Variants in KDM1A observed in about 807,000 individuals in gnomAD.
The protein encoded by KDM1A is lysine-specific histone demethylase 1A.
A neutral mutation model predicts 109.4 loss-of-function variants in KDM1A; 49 were observed. That is an observed-to-expected ratio of 0.45 (90% confidence interval 0.36 to 0.57). The LOEUF (loss-of-function observed/expected upper bound fraction) is 0.57. Ranked by LOEUF, KDM1A falls within the 20% of genes least tolerant of loss-of-function variation. KDM1A has a pLI of 0.00. For missense variants in KDM1A, 668 were observed against 1,116.6 expected, an observed-to-expected ratio of 0.60 and a Z score of 5.73; for synonymous variants, 380 against 415.4, an observed-to-expected ratio of 0.91 and a Z score of 1.04.
chr1:23,025,671 A>G (rs1641774525), intron 1 of KDM1A, among the ~76,000 whole-genome samples: 2 of 152,172 alleles, frequency 1.3e-5, no homozygotes, highest in Non-Finnish European at 1.5e-5. Context: ...AATAATCTTC[A>G]GAGGAGGTGG....
At chr1:23,028,653 T>C (rs1040673460) in intron 1 of KDM1A, among the ~76,000 whole-genome samples, 2 of 152,180 alleles carry the variant, frequency 1.3e-5, no homozygotes, top group Non-Finnish European at 2.9e-5. Flanking sequence ...GAAAACTGCA[T>C]ACTATAAAAG....
chr1:23,047,519 G>T (rs894038766), intron 3 of KDM1A, among the ~76,000 whole-genome samples: 3 of 152,134 alleles, frequency 2.0e-5, no homozygotes, highest in African/African-American at 4.8e-5. Context: ...CTTTGAAACT[G>T]CTGGATGACA....
In KDM1A at chr1:23,079,199, T is replaced by C. The variant is rs773157294; in HGVS notation, c.2055+22T>C. On this transcript the variant is annotated intron_variant, in intron 17 of 20. Transcript: ENST00000400181. The surrounding 1 kb of genome is among the most constrained non-coding windows in gnomAD (Gnocchi z 5.6). ...CAAGGTAGCTTGCCCTAGACACTCCTGTCTACAGATCTGATGTACAAATAG... is the reference window on the plus strand; with the variant it reads ...CAAGGTAGCTTGCCCTAGACACTCCCGTCTACAGATCTGATGTACAAATAG... The C allele has an allele frequency of 6.2e-7, 1 of 1,609,636 alleles. No individual in the cohort carries two copies. Among genetic ancestry groups the C allele is most frequent in the South Asian group, 1.1e-5 (1 of 90,586 alleles).
chr1:23,048,764 T>C (rs1642574415), intron 3 of KDM1A, among the ~76,000 whole-genome samples: 1 of 152,178 alleles, frequency 6.6e-6, no homozygotes, highest in Admixed American at 6.5e-5. Flanking sequence ...CCTGCCTTGT[T>C]TTTTTAATTC....
chr1:23,081,333 C>T (rs958010719), intron 18 of KDM1A, 113 bp from the exon 19 acceptor site: 11 of 1,189,896 alleles, frequency 9.2e-6, no homozygotes, highest in African/African-American at 7.6e-5. Context: ...AATGGTACTG[C>T]GTGTGTCTTG....
chr1:23,069,208 T>C (rs988737536), intron 12 of KDM1A, 57 bp downstream of exon 12: 2 of 1,127,596 alleles, frequency 1.8e-6, no homozygotes, highest in Admixed American at 2.3e-5. Flanking sequence ...AAAAAGTCTT[T>C]AGAAATTTTA....
At chr1:23,027,337 T>G (rs1194342607) in intron 1 of KDM1A, among the ~76,000 whole-genome samples, 2 of 152,034 alleles carry the variant, frequency 1.3e-5, no homozygotes, top group South Asian at 2.1e-4. Context: ...TGTATTTTGC[T>G]TTGTTTATGA....
chr1:23,026,510 C>G (rs779294514), intron 1 of KDM1A, among the ~76,000 whole-genome samples: 9 of 151,456 alleles, frequency 5.9e-5, no homozygotes, highest in Non-Finnish European at 1.2e-4. Flanking sequence ...CTGCCGTAGC[C>G]CCCCCAAGTA....
intron 2 of KDM1A, among the ~76,000 whole-genome samples, chr1:23,036,832 A>C (rs991459565): frequency 6.6e-6 from 1 of 152,134 alleles, no homozygotes; most frequent in African/African-American, 2.4e-5. Flanking sequence ...AAAAATAGGC[A>C]TTTTCTACAA....
chr1:23,072,472 A>G (rs1643348874), intron 14 of KDM1A, among the ~76,000 whole-genome samples: 1 of 152,196 alleles, frequency 6.6e-6, no homozygotes, highest in Non-Finnish European at 1.5e-5. Flanking sequence ...GATGGAAATT[A>G]TCTTTCTTGA....
At chr1:23,042,493 C>T (rs1326114667) in intron 2 of KDM1A, among the ~76,000 whole-genome samples, 1 of 115,576 alleles carries the variant, frequency 8.7e-6, no homozygotes, top group Non-Finnish European at 1.7e-5. Context: ...CGCTCTGTCG[C>T]CCAGGCTGGA....
intron 9 of KDM1A, among the ~76,000 whole-genome samples, chr1:23,063,254 GTA>G (rs1557570239): frequency 6.9e-5 from 9 of 130,528 alleles, no homozygotes; most frequent in Non-Finnish European, 9.5e-5. Flanking sequence ...GTGTGTGTGT[GTA>G]CCAGCTGAGA....
At chr1:23,052,762 G>A (rs1258182720) in intron 4 of KDM1A, among the ~76,000 whole-genome samples, 1 of 152,036 alleles carries the variant, frequency 6.6e-6, no homozygotes, top group African/African-American at 2.4e-5. Flanking sequence ...GCCTCTCTGG[G>A]TGTCTTCTCT....
intron 18 of KDM1A, 129 bp from the exon 19 acceptor site, chr1:23,081,317 C>A: frequency 9.7e-7 from 1 of 1,029,462 alleles, no homozygotes; most frequent in Non-Finnish European, 1.4e-6. Context: ...TGTCTCTTCG[C>A]ATTTGAATGG....
At chr1:23,021,672 C>CA (rs1448221395) in intron 1 of KDM1A, among the ~76,000 whole-genome samples, 2 of 151,900 alleles carry the variant, frequency 1.3e-5, no homozygotes, top group Non-Finnish European at 2.9e-5. Context: ...TAAAAGCAAA[C>CA]AAAAAAACAG....
intron 2 of KDM1A, among the ~76,000 whole-genome samples, chr1:23,038,590 A>T (rs1270640879): frequency 1.3e-5 from 2 of 152,214 alleles, no homozygotes; most frequent in Non-Finnish European, 2.9e-5. Flanking sequence ...CTACTATGGA[A>T]TGTGGAGGGA....
rs763665324 is a variant in KDM1A, at chr1:23,071,296, C to T, written c.1485C>T (p.Pro495=). 1 of 1,613,166 alleles carries T rather than the reference C, an allele frequency of 6.2e-7. No individual in the cohort carries two copies. ...AAGAAGCATCTGAAGTAAAGCCACC[C>T]AGAGATATTACTGCCGAGTTCTTAG... ...QYKEASEVKP[P]RDITAEFLVK... The change falls in exon 13 of 21, where the codon CCC becomes CCT. Residue 495 remains proline (P), a synonymous_variant. Transcript: ENST00000400181.
chr1:23,079,652 TG>T lies in KDM1A; in HGVS notation c.2157del (p.Trp719Ter). 6.2e-7 allele frequency: 1 copy of T among 1,609,768 alleles called. No individual in the cohort carries two copies. The highest frequency in any genetic ancestry group is 8.5e-7 in the Non-Finnish European group (1 of 1,176,558). ...CAGCAGGGGTGAGCTCTTCCTCTTCTGGAACCTCTATAAAGGTAAATGCCTT... is the reference window on the plus strand; with the variant it reads ...CAGCAGGGGTGAGCTCTTCCTCTTCTGAACCTCTATAAAGGTAAATGCCTT... Reference protein sequence around the residue: ...TASRGELFLFWNLYKAPILLA... With the variant: ...TASRGELFLFXNLYKAPILLA... On this transcript the variant is annotated frameshift_variant, in exon 18 of 21. Transcript: ENST00000400181. LOFTEE classifies it high-confidence loss of function. This position sits in a 1 kb window ranked among gnomAD's most constrained non-coding sequence, Gnocchi z 5.6.
intron 2 of KDM1A, among the ~76,000 whole-genome samples, chr1:23,041,435 C>CTTTTTTTTTT (rs66720696): frequency 1.1e-4 from 6 of 53,040 alleles, no homozygotes; most frequent in African/African-American, 2.3e-4. Flanking sequence ...TCTTTTCTTG[C>CTTTTTTTTTT]TTTTTTTTTT....
Sources: allele counts gnomAD v4.1 joint callset (sites outside exome capture counted in the v4.1 genomes callset), GRCh38; gene constraint gnomAD v4.1.1; non-coding constraint Gnocchi (gnomAD v3.1); transcripts MANE v1.5; gene names NCBI Gene and HGNC (gene_info 2026-07-23, HGNC 2026-07-21).